NRP1: variants seen among roughly 807,000 people sequenced by gnomAD.
NRP1 encodes neuropilin-1.
In NRP1, 35 loss-of-function variants were observed where a neutral mutation model predicts 106.7. The ratio of observed to expected loss-of-function variants is 0.33; its 90% CI spans 0.25 to 0.43. The LOEUF (loss-of-function observed/expected upper bound fraction) is 0.43. NRP1 is among the 20% of genes least tolerant of loss of function. The pLI, the probability that NRP1 is intolerant of heterozygous loss-of-function variation, is 1.00. For synonymous variants in NRP1, 437 were observed against 417.9 expected (o/e 1.05, Z -0.56); for missense variants, 1,024 against 1,170.4 (o/e 0.87, Z 1.83).
At chr10:33,302,665 C>A (rs1466311554) in intron 2 of NRP1, among the ~76,000 whole-genome samples, 1 of 152,154 alleles carries the variant, frequency 6.6e-6, no homozygotes, top group African/African-American at 2.4e-5. Flanking sequence ...CACAAAGATT[C>A]CTCTGAGCAA....
chr10:33,244,202 C>T (rs981016474), intron 6 of NRP1, among the ~76,000 whole-genome samples: 28 of 152,006 alleles, frequency 1.8e-4, no homozygotes, highest in African/African-American at 6.5e-4. Flanking sequence ...GTGGGTTCTG[C>T]CAGTTCTGAA....
chr10:33,182,850 C>T, intron 15 of NRP1, 102 bp from the exon 16 acceptor site: 1 of 805,300 alleles, frequency 1.2e-6, no homozygotes, highest in South Asian at 1.4e-5. Context: ...CACACACACA[C>T]ACACACACAC....
At chr10:33,260,411 C>T (rs979856434) in intron 4 of NRP1, among the ~76,000 whole-genome samples, 16 of 152,062 alleles carry the variant, frequency 1.1e-4, no homozygotes, top group Admixed American at 8.5e-4. Flanking sequence ...ACAAGCAGAA[C>T]TCAATCTAGC....
chr10:33,332,651 G>A (rs1321732412), intron 1 of NRP1, among the ~76,000 whole-genome samples: 1 of 152,214 alleles, frequency 6.6e-6, no homozygotes, highest in Non-Finnish European at 1.5e-5. Flanking sequence ...AGAAAGAGCA[G>A]TTTCTAATGA....
At chr10:33,275,426 G>T (rs141524177) in intron 2 of NRP1, among the ~76,000 whole-genome samples, 89 of 152,152 alleles carry the variant, frequency 5.8e-4, no homozygotes, top group Admixed American at 1.1e-3. Flanking sequence ...AAATTAGCCG[G>T]GCATGGTGGC....
At chr10:33,258,595 C>A (rs542557443) in intron 4 of NRP1, among the ~76,000 whole-genome samples, 1 of 152,176 alleles carries the variant, frequency 6.6e-6, no homozygotes, top group African/African-American at 2.4e-5. Flanking sequence ...TTCGACTTCT[C>A]AGTTGGCAGA....
At chr10:33,245,922 C>T (rs2133108063) in intron 6 of NRP1, among the ~76,000 whole-genome samples, 1 of 152,244 alleles carries the variant, frequency 6.6e-6, no homozygotes, top group African/African-American at 2.4e-5. Context: ...TATTTGTAAG[C>T]GTAATTCTAC....
intron 13 of NRP1, among the ~76,000 whole-genome samples, chr10:33,189,252 G>A (rs1326580379): frequency 6.6e-6 from 1 of 152,106 alleles, no homozygotes; most frequent in Non-Finnish European, 1.5e-5. Flanking sequence ...AATCTCATTA[G>A]GCAAGGAGGT....
chr10:33,278,449 G>A (rs1046161710), intron 2 of NRP1, among the ~76,000 whole-genome samples: 4 of 152,122 alleles, frequency 2.6e-5, no homozygotes, highest in African/African-American at 9.7e-5. Context: ...TCCATCAGTG[G>A]CTGCTGGATG....
chr10:33,234,747 T>G (rs1840428063), intron 6 of NRP1, among the ~76,000 whole-genome samples: 1 of 152,226 alleles, frequency 6.6e-6, no homozygotes, highest in Admixed American at 6.5e-5. Flanking sequence ...TAATGCCTTT[T>G]TCCATAGTTA....
intron 8 of NRP1, among the ~76,000 whole-genome samples, chr10:33,221,295 T>G (rs1271561344): frequency 6.6e-6 from 1 of 152,152 alleles, no homozygotes; most frequent in East Asian, 1.9e-4. Flanking sequence ...TAAGTAGTAG[T>G]CAGTATCCAG....
intron 6 of NRP1, among the ~76,000 whole-genome samples, chr10:33,244,122 A>T (rs559734102): frequency 6.0e-4 from 92 of 152,232 alleles, no homozygotes; most frequent in African/African-American, 2.0e-3. Flanking sequence ...GGGCTTTGGA[A>T]TTTACAGGGT....
intron 2 of NRP1, among the ~76,000 whole-genome samples, chr10:33,326,860 G>T (rs1847925975): frequency 6.6e-6 from 1 of 152,098 alleles, no homozygotes; most frequent in Non-Finnish European, 1.5e-5. Context: ...GTCAGTCTTG[G>T]TGCTATTCAC....
At chr10:33,312,111 AT>A (rs987035409) in intron 2 of NRP1, among the ~76,000 whole-genome samples, 14 of 152,306 alleles carry the variant, frequency 9.2e-5, no homozygotes, top group Admixed American at 9.2e-4. Flanking sequence ...ATATTCACTC[AT>A]TTTAGGTCCT....
intron 1 of NRP1, among the ~76,000 whole-genome samples, chr10:33,332,442 G>A (rs1045757724): frequency 3.3e-5 from 5 of 152,192 alleles, no homozygotes; most frequent in Admixed American, 6.5e-5. Context: ...TCATGGTAGT[G>A]TCTGGCATCT....
At chr10:33,270,086 G>T (rs915254792) in intron 3 of NRP1, among the ~76,000 whole-genome samples, 3 of 152,062 alleles carry the variant, frequency 2.0e-5, no homozygotes, top group Admixed American at 6.5e-5. Flanking sequence ...ATGCCAAAAA[G>T]GTTGGAGACT....
chr10:33,318,964 G>A (rs1020497424), intron 2 of NRP1, among the ~76,000 whole-genome samples: 2 of 150,850 alleles, frequency 1.3e-5, no homozygotes, highest in African/African-American at 2.4e-5. Context: ...CTGGACTTCC[G>A]GGGTCGAGTG....
intron 2 of NRP1, among the ~76,000 whole-genome samples, chr10:33,286,371 T>C (rs540592464): frequency 2.3e-4 from 35 of 152,318 alleles, no homozygotes; most frequent in Non-Finnish European, 4.1e-4. Context: ...TCTGTGTTCT[T>C]ATCCCTTGAA....
chr10:33,191,020 T>TA (rs11294699), intron 13 of NRP1, among the ~76,000 whole-genome samples: 10 of 150,850 alleles, frequency 6.6e-5, no homozygotes, highest in Middle Eastern at 3.4e-3. Flanking sequence ...TGGCTGATTT[T>TA]AAAAAAAAAA....
Sources: allele counts gnomAD v4.1 joint callset (sites outside exome capture counted in the v4.1 genomes callset), GRCh38; gene constraint gnomAD v4.1.1; transcripts MANE v1.5; gene names NCBI Gene and HGNC (gene_info 2026-07-23, HGNC 2026-07-21).